The following RAPGEF5 variants were observed in gnomAD, a reference collection of about 807,000 sequenced individuals.
RAPGEF5 encodes Rap guanine nucleotide exchange factor 5, also known as M-Ras-regulated GEF.
Under a neutral mutation model 125.2 loss-of-function variants are expected in RAPGEF5, and 65 were observed. That is an observed-to-expected ratio of 0.52 (90% confidence interval 0.43 to 0.64). The LOEUF is 0.64. RAPGEF5 is among the 30% of genes least tolerant of loss of function. The pLI, the probability that RAPGEF5 is intolerant of heterozygous loss-of-function variation, is 0.00. For missense variants in RAPGEF5, 958 were observed against 1,048.1 expected (o/e 0.91, Z 1.19); for synonymous variants, 391 against 385.9 (o/e 1.01, Z -0.16).
chr7:22,283,747 C>T (rs1782729839), intron 6 of RAPGEF5, among the ~76,000 whole-genome samples: 1 of 152,124 alleles, frequency 6.6e-6, no homozygotes, highest in Non-Finnish European at 1.5e-5. Flanking sequence ...TGATTTTCAT[C>T]TCAGAAACAG....
At position 22,160,515 on chromosome 7, in the gene RAPGEF5, TACTG is replaced by T. The variant is rs759564510; in HGVS notation, c.1525_1526+2del. ...ACTATAATTAGGAAAATGAAATACTTACTGACGACGGTGCATTCCAAGTATCTTT... is the reference window on the plus strand; with the variant it reads ...ACTATAATTAGGAAAATGAAATACTTACGACGGTGCATTCCAAGTATCTTT... On this transcript the variant is annotated splice_donor_variant and coding_sequence_variant, in exon 14 of 26. Coordinates refer to ENST00000665637, the MANE Select transcript of RAPGEF5 (RefSeq NM_012294.5). LOFTEE classifies it high-confidence loss of function. 7.1e-6 allele frequency: 11 copies of T among 1,539,220 alleles called. No homozygotes were observed. The highest frequency in any genetic ancestry group is 8.7e-6 in the Non-Finnish European group (10 of 1,143,284).
chr7:22,130,669 A>G (rs953164898), intron 24 of RAPGEF5, among the ~76,000 whole-genome samples: 1 of 152,210 alleles, frequency 6.6e-6, no homozygotes, highest in Non-Finnish European at 1.5e-5. Context: ...AGAGATGCCT[A>G]TAAAGCAGTA....
Position 22,167,085 on chromosome 7 carries a change from TG to T in RAPGEF5, c.1267del (p.Gln423ArgfsTer4). On this transcript the variant is annotated frameshift_variant, in exon 12 of 26. Transcript: ENST00000665637. LOFTEE classifies it high-confidence loss of function. ...TGAAGGATATTGCCTTAACAGAGCC[TG>T]GCACAAGTCATCAGTTGTCATGAAG... is the stretch of plus-strand genomic sequence containing the variant. ...TVFMTTDDLC[Q>X]ALLRHYSAKK... is the part of the protein sequence containing the mutation. 1 of 1,612,494 alleles carries T rather than the reference TG, an allele frequency of 6.2e-7. No homozygotes were observed. Among genetic ancestry groups the T allele is most frequent in the Middle Eastern group, 1.7e-4 (1 of 6,060 alleles).
intron 1 of RAPGEF5, among the ~76,000 whole-genome samples, chr7:22,322,160 G>A (rs1783727566): frequency 6.6e-6 from 1 of 150,616 alleles, no homozygotes; most frequent in Non-Finnish European, 1.5e-5. Context: ...TTTTGAGACA[G>A]GTTCTCACCA....
At chr7:22,257,678 T>A (rs1448109380) in intron 7 of RAPGEF5, among the ~76,000 whole-genome samples, 2 of 152,218 alleles carry the variant, frequency 1.3e-5, no homozygotes, top group African/African-American at 4.8e-5. Context: ...ATCAGTCAGG[T>A]ATCTCTAATA....
chr7:22,335,047 A>G (rs1026726949), intron 1 of RAPGEF5, among the ~76,000 whole-genome samples: 4 of 152,254 alleles, frequency 2.6e-5, no homozygotes, highest in African/African-American at 9.6e-5. Context: ...ATGTGAACAC[A>G]AAAGCCTCCA....
At chr7:22,201,595 C>T (rs536373168) in intron 9 of RAPGEF5, among the ~76,000 whole-genome samples, 1 of 152,166 alleles carries the variant, frequency 6.6e-6, no homozygotes, top group African/African-American at 2.4e-5. Flanking sequence ...TCCTACTTGA[C>T]CGAATCCAAT....
chr7:22,325,507 G>A (rs771931366), intron 1 of RAPGEF5, among the ~76,000 whole-genome samples: 7 of 152,188 alleles, frequency 4.6e-5, no homozygotes, highest in Non-Finnish European at 8.8e-5. Context: ...AGTGCAGAGT[G>A]TGCATACAGA....
rs770490027 is a variant in RAPGEF5 at position 22,154,544 on chromosome 7, C to T, written c.1697G>A (p.Ser566Asn). 2 of 1,613,902 alleles carry T rather than the reference C, an allele frequency of 1.2e-6. No individual in the cohort carries two copies. Among genetic ancestry groups the T allele is most frequent in the South Asian group, 1.1e-5 (1 of 91,074 alleles). ...GACTTTTAGGATCTCTTGGGCTATA[C>T]TGGAAACTTTTGCCTTCACACTGAC... ...SYVSVKAKVSSIAQEILKVVA... is the reference protein window; with the variant it reads ...SYVSVKAKVSNIAQEILKVVA... Residue 566 changes from serine to asparagine, a missense_variant, in exon 17 of 26, where the codon AGT becomes AAT. Coordinates refer to ENST00000665637, the MANE Select transcript of RAPGEF5 (RefSeq NM_012294.5).
chr7:22,161,291 A>G (rs2128111670), intron 13 of RAPGEF5, among the ~76,000 whole-genome samples: 1 of 152,288 alleles, frequency 6.6e-6, no homozygotes, highest in Middle Eastern at 3.4e-3. Flanking sequence ...TGTAAATCCC[A>G]ACACTTTGGG....
chr7:22,165,216 A>G (rs1477447857), intron 12 of RAPGEF5, among the ~76,000 whole-genome samples: 1 of 152,210 alleles, frequency 6.6e-6, no homozygotes, highest in Non-Finnish European at 1.5e-5. Flanking sequence ...GACTCAAAAC[A>G]TATATATCCA....
intron 18 of RAPGEF5, among the ~76,000 whole-genome samples, chr7:22,148,125 T>A (rs751708458): frequency 1.3e-5 from 2 of 152,018 alleles, no homozygotes; most frequent in African/African-American, 2.4e-5. Flanking sequence ...AGCTAACAAA[T>A]GTAGAGGTGT....
intron 6 of RAPGEF5, 46 bp from the exon 7 acceptor site, chr7:22,267,058 G>A (rs760491892): frequency 1.3e-6 from 2 of 1,537,150 alleles, no homozygotes; most frequent in African/African-American, 1.4e-5. Context: ...GAAGAAAAAT[G>A]TAGCCATCAA....
At chr7:22,262,184 T>C (rs563742662) in intron 7 of RAPGEF5, among the ~76,000 whole-genome samples, 61 of 151,798 alleles carry the variant, frequency 4.0e-4, no homozygotes, top group South Asian at 1.9e-3. Context: ...CTACCTAGAA[T>C]ACATAAAGAA....
intron 5 of RAPGEF5, among the ~76,000 whole-genome samples, 164 bp from the exon 6 acceptor site, chr7:22,291,405 C>G (rs1782932830): frequency 6.6e-6 from 1 of 152,124 alleles, no homozygotes; most frequent in Non-Finnish European, 1.5e-5. Flanking sequence ...GAACATAATC[C>G]TCTTGCAGGC....
intron 1 of RAPGEF5, among the ~76,000 whole-genome samples, chr7:22,344,592 T>C (rs1441676520): frequency 6.6e-6 from 1 of 152,086 alleles, no homozygotes; most frequent in Non-Finnish European, 1.5e-5. Context: ...TACCACTGAC[T>C]GAACCCAACC....
chr7:22,262,555 A>G (rs1436278259), intron 7 of RAPGEF5, among the ~76,000 whole-genome samples: 1 of 152,202 alleles, frequency 6.6e-6, no homozygotes, highest in Non-Finnish European at 1.5e-5. Context: ...AACATAGAAC[A>G]CAGCAATTGT....
intron 7 of RAPGEF5, among the ~76,000 whole-genome samples, chr7:22,231,380 T>TG (rs1049554299): frequency 6.6e-6 from 1 of 152,176 alleles, no homozygotes; most frequent in Non-Finnish European, 1.5e-5. Context: ...TTCCATATTG[T>TG]GGAGTCTTGA....
At chr7:22,356,653 AG>A (rs1363765800) in intron 1 of RAPGEF5, 176 bp downstream of exon 1, 5 of 190,924 alleles carry the variant, frequency 2.6e-5, no homozygotes, top group East Asian at 1.0e-4. Context: ...GCCGTCGCTC[AG>A]GGGGTGGCAC....
Sources: allele counts gnomAD v4.1 joint callset (sites outside exome capture counted in the v4.1 genomes callset), GRCh38; gene constraint gnomAD v4.1.1; transcripts MANE v1.5; gene names NCBI Gene and HGNC (gene_info 2026-07-23, HGNC 2026-07-21).